Variants in ANKRD50 observed in about 807,000 individuals in gnomAD.
The protein encoded by ANKRD50 is ankyrin repeat domain 50, also known as ankyrin repeat domain-containing protein 50.
Under a neutral mutation model 112.0 loss-of-function variants are expected in ANKRD50, and 40 were observed. The observed-to-expected ratio is 0.36, with a 90% CI of 0.28 to 0.46. ANKRD50 has a LOEUF of 0.46. ANKRD50 is among the 20% of genes least tolerant of loss of function. The pLI is 1.00. For synonymous variants in ANKRD50, 613 were observed against 619.1 expected (o/e 0.99, Z 0.15); for missense variants, 1,487 against 1,701.7 (o/e 0.87, Z 2.22).
intron 2 of ANKRD50, among the ~76,000 whole-genome samples, chr4:124,694,677 A>C (rs1470531759): frequency 6.6e-6 from 1 of 152,196 alleles, no homozygotes; most frequent in African/African-American, 2.4e-5. Flanking sequence ...GTTAGTCTCA[A>C]TGGAGACAGG....
At chr4:124,699,122 T>G (rs1434096232) in intron 2 of ANKRD50, among the ~76,000 whole-genome samples, 1 of 152,130 alleles carries the variant, frequency 6.6e-6, no homozygotes, top group Non-Finnish European at 1.5e-5. Context: ...AAAAGTAAAT[T>G]CACAAGAAGG....
chr4:124,672,540 G>A lies in ANKRD50; in HGVS notation c.743-6C>T, dbSNP rs570400114. The A allele has an allele frequency of 2.6e-6, 4 of 1,558,136 alleles. No homozygotes were observed. In the African/African-American group the frequency reaches 5.5e-5, roughly 21 times the overall value. ...TAAACTTATTTTTCGAAAACCTAAA[G>A]AAGAGATAAAAAAGTAGATGTAATC... On this transcript the variant is annotated splice_region_variant and splice_polypyrimidine_tract_variant and intron_variant, in intron 3 of 4. Coordinates refer to ENST00000504087, the MANE Select transcript of ANKRD50 (RefSeq NM_020337.3).
intron 2 of ANKRD50, among the ~76,000 whole-genome samples, chr4:124,687,136 A>G (rs918852725): frequency 1.3e-5 from 2 of 152,272 alleles, no homozygotes; most frequent in Non-Finnish European, 2.9e-5. Context: ...CAATCAAGAC[A>G]GTATGCTATG....
rs1730634781 is a variant in ANKRD50 at position 124,671,017 on chromosome 4, C to T, written c.2260G>A (p.Val754Ile). ...TCAACATGTCCTTCATAGGCAGCTA[C>T]CAGCAGTGGAGTCATGCCATCTTTA... ...CDKDGMTPLL[V>I]AAYEGHVDVV... The change falls in exon 4 of 5, where the codon GTA (valine) becomes ATA (isoleucine). Residue 754 changes from valine (V) to isoleucine (I), a missense_variant. Val to Ile is a conservative substitution (Grantham distance 29, BLOSUM62 3). Coordinates refer to ENST00000504087, the MANE Select transcript of ANKRD50 (RefSeq NM_020337.3). 6.2e-7 allele frequency: 1 copy of T among 1,613,710 alleles called. No homozygotes were observed. Among genetic ancestry groups the T allele is most frequent in the Admixed American group, 1.7e-5 (1 of 59,940 alleles).
At chr4:124,695,151 T>C (rs1386948483) in intron 2 of ANKRD50, among the ~76,000 whole-genome samples, 1 of 149,124 alleles carries the variant, frequency 6.7e-6, no homozygotes, top group Non-Finnish European at 1.5e-5. Context: ...GCCCAAAACT[T>C]CCATTGCAAG....
rs759848792 is a variant in ANKRD50, at chr4:124,710,416, C to T, written c.96G>A (p.Lys32=). The T allele has an allele frequency of 5.6e-6, 9 of 1,614,212 alleles. No homozygotes were observed. The highest frequency in any genetic ancestry group is 2.5e-6 in the Non-Finnish European group (3 of 1,180,044). ...TTTTCTCCTGGAGGCAATGCTGAAG[C>T]TTGTGGAAAACCCACTCCCTACAGT... ...QFYCREWVFH[K]LQHCLQEKSN... Residue 32 remains lysine (K), a synonymous_variant, in exon 2 of 5, where the codon AAG becomes AAA. Coordinates refer to ENST00000504087, the MANE Select transcript of ANKRD50 (RefSeq NM_020337.3).
chr4:124,703,285 T>C (rs1273470859), intron 2 of ANKRD50, among the ~76,000 whole-genome samples: 10 of 152,124 alleles, frequency 6.6e-5, no homozygotes, highest in Non-Finnish European at 1.3e-4. Context: ...CATAAACATC[T>C]TTCTGTAAAT....
At chr4:124,695,840 T>C (rs1725240534) in intron 2 of ANKRD50, among the ~76,000 whole-genome samples, 1 of 152,158 alleles carries the variant, frequency 6.6e-6, no homozygotes, top group African/African-American at 2.4e-5. Context: ...TATAAAAAAG[T>C]ACCAGCTCCA....
chr4:124,691,800 A>G (rs1438889503), intron 2 of ANKRD50, among the ~76,000 whole-genome samples: 7 of 152,134 alleles, frequency 4.6e-5, no homozygotes, highest in Non-Finnish European at 7.3e-5. Context: ...CTAAAATTAG[A>G]GCAGAAGAGA....
rs1725596012 is a variant in ANKRD50, at chr4:124,710,132, A to G, written c.380T>C (p.Ile127Thr). ...GCAGATCTGGGCTACTAGACCTCTA[A>G]TAAACCCTCCAACACACAAAGTATC... ...DSDTLCVGGFIRGLVAQICRS... is the reference protein window; with the variant it reads ...DSDTLCVGGFTRGLVAQICRS... The change falls in exon 2 of 5, where the codon ATT (isoleucine) becomes ACT (threonine). Residue 127 changes from isoleucine to threonine, a missense_variant. Physicochemically the swap from Ile to Thr is moderately conservative, Grantham distance 89. Around this residue, in one of 2 missense-constraint regions of ANKRD50, gnomAD observed 1,046 missense variants for 1,269.5 expected, o/e 0.82. Transcript: ENST00000504087. 1 of 1,614,190 alleles carries G rather than the reference A, an allele frequency of 6.2e-7. No homozygotes were observed. Among genetic ancestry groups the G allele is most frequent in the Non-Finnish European group, 8.5e-7 (1 of 1,180,040 alleles).
Position 124,678,722 on chromosome 4 carries a change from G to A in ANKRD50, c.696C>T (p.Leu232=), listed in dbSNP as rs1041643889. 2 of 1,613,766 alleles carry A rather than the reference G, an allele frequency of 1.2e-6. No homozygotes were observed. The highest frequency in any genetic ancestry group is 1.7e-6 in the Non-Finnish European group (2 of 1,179,808). Residue 232 remains leucine (L), a synonymous_variant, in exon 3 of 5, where the codon CTC becomes CTT. Transcript: ENST00000504087. The stretch of plus-strand genomic sequence containing the variant: ...CCTTACTCTGCTTTCGGGCAGAACA[G>A]AGAAGCAATAGCCATGGTGGAAAGA... ...HEFFPPWLLL[L]CSARKQSKAV...
intron 2 of ANKRD50, among the ~76,000 whole-genome samples, chr4:124,692,785 A>T (rs574535773): frequency 6.6e-6 from 1 of 152,348 alleles, no homozygotes; most frequent in East Asian, 1.9e-4. Context: ...TCCAGCATCC[A>T]GAACCAAAAG....
chr4:124,695,580 T>C (rs1363715954), intron 2 of ANKRD50, among the ~76,000 whole-genome samples: 1 of 152,120 alleles, frequency 6.6e-6, no homozygotes, highest in Admixed American at 6.5e-5. Flanking sequence ...AAATCTCTCG[T>C]AGTATCTTGG....
chr4:124,687,268 T>G (rs1287076115), intron 2 of ANKRD50, among the ~76,000 whole-genome samples: 2 of 150,684 alleles, frequency 1.3e-5, no homozygotes, highest in Non-Finnish European at 3.0e-5. Context: ...TGTTTTTTTG[T>G]TTTTGTTTTT....
chr4:124,693,752 G>T (rs1725189374), intron 2 of ANKRD50, among the ~76,000 whole-genome samples: 1 of 152,060 alleles, frequency 6.6e-6, no homozygotes, highest in Non-Finnish European at 1.5e-5. Context: ...TGATTCTGAA[G>T]CCTGAAATCT....
Position 124,671,166 on chromosome 4 carries a change from T to C in ANKRD50, c.2111A>G (p.Asn704Ser), listed in dbSNP as rs2110508181. ...AGTCCTGCCATCAACATCCTCATGATTTACTTCTGCTCCATGGTCCAGTAG... is the reference window on the plus strand; with the variant it reads ...AGTCCTGCCATCAACATCCTCATGACTTACTTCTGCTCCATGGTCCAGTAG... ...EHLLDHGAEVNHEDVDGRTAL... is the reference protein window; with the variant it reads ...EHLLDHGAEVSHEDVDGRTAL... Residue 704 changes from asparagine to serine, a missense_variant, in exon 4 of 5, where the codon AAT (asparagine) becomes AGT (serine). Asn to Ser is a conservative substitution (Grantham distance 46, BLOSUM62 1). Around this residue, in one of 2 missense-constraint regions of ANKRD50, gnomAD observed 1,046 missense variants for 1,269.5 expected, o/e 0.82. Coordinates refer to ENST00000504087, the MANE Select transcript of ANKRD50 (RefSeq NM_020337.3). The C allele has an allele frequency of 6.2e-7, 1 of 1,613,880 alleles. No homozygotes were observed. Among genetic ancestry groups the C allele is most frequent in the South Asian group, 1.1e-5 (1 of 91,080 alleles).
At chr4:124,683,112 ATG>A (rs1442545737) in intron 2 of ANKRD50, among the ~76,000 whole-genome samples, 3 of 151,824 alleles carry the variant, frequency 2.0e-5, no homozygotes, top group Admixed American at 6.6e-5. Flanking sequence ...CATATATGTA[ATG>A]TGTGTGTACA....
At chr4:124,690,634 AT>A (rs1560826940) in intron 2 of ANKRD50, among the ~76,000 whole-genome samples, 3 of 152,172 alleles carry the variant, frequency 2.0e-5, no homozygotes, top group African/African-American at 7.2e-5. Flanking sequence ...TACCTTAAAA[AT>A]TTTTAAAAAG....
At chr4:124,707,182 T>C (rs1725525802) in intron 2 of ANKRD50, among the ~76,000 whole-genome samples, 1 of 152,098 alleles carries the variant, frequency 6.6e-6, no homozygotes, top group Non-Finnish European at 1.5e-5. Flanking sequence ...TCTCCTGTCA[T>C]GTTATAATTA....
Sources: allele counts gnomAD v4.1 joint callset (sites outside exome capture counted in the v4.1 genomes callset), GRCh38; gene constraint gnomAD v4.1.1; regional missense constraint gnomAD v4.1.1; transcripts MANE v1.5; gene names NCBI Gene and HGNC (gene_info 2026-07-23, HGNC 2026-07-21).